HIVEP2: variants seen among roughly 807,000 people sequenced by gnomAD.
HIVEP2 encodes the protein HIVEP zinc finger 2.
HIVEP2 carries 14 observed loss-of-function variants against 180.7 expected under a neutral mutation model. The observed-to-expected ratio is 0.08, with a 90% confidence interval of 0.05 to 0.12. The LOEUF (loss-of-function observed/expected upper bound fraction) is 0.12, where lower values mean the gene tolerates loss of function less well. Among genes scored for constraint, HIVEP2 ranks in the 10% least tolerant of loss-of-function variants. The pLI is 1.00. For synonymous variants in HIVEP2, 1,184 were observed against 1,136.4 expected, an observed-to-expected ratio of 1.04 and a Z score of -0.84; for missense variants, 2,579 against 3,008.5, an observed-to-expected ratio of 0.86 and a Z score of 3.34.
intron 9 of HIVEP2, among the ~76,000 whole-genome samples, chr6:142,756,269 G>T (rs1355269718): frequency 6.6e-6 from 1 of 152,118 alleles, no homozygotes; most frequent in African/African-American, 2.4e-5. Context: ...GCCTCCTTGG[G>T]GGCAGCAGGG....
At chr6:142,913,768 C>T (rs1194077489) in intron 1 of HIVEP2, among the ~76,000 whole-genome samples, 2 of 152,198 alleles carry the variant, frequency 1.3e-5, no homozygotes, top group South Asian at 2.1e-4. Flanking sequence ...AGAAAAGTCA[C>T]CCACTCTTGC....
chr6:142,769,476 T>A, intron 5 of HIVEP2, 76 bp downstream of exon 5: 1 of 1,306,300 alleles, frequency 7.7e-7, no homozygotes, highest in Non-Finnish European at 1.1e-6. Context: ...TTTTTAGGCC[T>A]TATATCCTTC....
chr6:142,873,861 A>T (rs1254406588), intron 1 of HIVEP2, among the ~76,000 whole-genome samples: 1 of 152,204 alleles, frequency 6.6e-6, no homozygotes, highest in Non-Finnish European at 1.5e-5. Context: ...AAATTATCTA[A>T]GGAATGAGCA....
At chr6:142,894,966 C>T (rs527626518) in intron 1 of HIVEP2, among the ~76,000 whole-genome samples, 7 of 152,296 alleles carry the variant, frequency 4.6e-5, no homozygotes, top group Admixed American at 6.5e-5. Flanking sequence ...CTTGATAATT[C>T]ACTGGCACGA....
chr6:142,833,543 A>T (rs114548581), intron 2 of HIVEP2, among the ~76,000 whole-genome samples: 1,630 of 152,312 alleles, frequency 0.011, 18 homozygotes, highest in Middle Eastern at 0.037. Flanking sequence ...ACAAAATGGG[A>T]TTTGCTCATA....
intron 3 of HIVEP2, among the ~76,000 whole-genome samples, chr6:142,781,607 T>G (rs1244408482): frequency 6.6e-6 from 1 of 151,922 alleles, no homozygotes. Flanking sequence ...AAAAAAGAGA[T>G]TACCTCTGCA....
chr6:142,781,737 C>A (rs1419942307), intron 3 of HIVEP2, among the ~76,000 whole-genome samples: 1 of 152,160 alleles, frequency 6.6e-6, no homozygotes, highest in Admixed American at 6.5e-5. Context: ...CAGAGTCCCA[C>A]TCAAATAAGT....
intron 1 of HIVEP2, among the ~76,000 whole-genome samples, chr6:142,851,426 C>G (rs1775669145): frequency 6.6e-6 from 1 of 152,172 alleles, no homozygotes; most frequent in African/African-American, 2.4e-5. Flanking sequence ...TACTGAAAAC[C>G]TTAAGGAAAT....
chr6:142,801,595 C>A (rs946132391), intron 2 of HIVEP2, among the ~76,000 whole-genome samples: 5 of 151,982 alleles, frequency 3.3e-5, no homozygotes. Flanking sequence ...CAGACCAATT[C>A]AGCTCTCCTG....
At chr6:142,835,853 A>T (rs1490611820) in intron 2 of HIVEP2, among the ~76,000 whole-genome samples, 1 of 152,204 alleles carries the variant, frequency 6.6e-6, no homozygotes, top group Non-Finnish European at 1.5e-5. Context: ...GACAAAGCTT[A>T]GGGCAGTTGT....
At chr6:142,796,498 T>A (rs1221218807) in intron 2 of HIVEP2, among the ~76,000 whole-genome samples, 10 of 152,118 alleles carry the variant, frequency 6.6e-5, no homozygotes. Flanking sequence ...CATAAGGAAG[T>A]GAAAATAAAT....
intron 1 of HIVEP2, among the ~76,000 whole-genome samples, chr6:142,859,328 G>A (rs1296498807): frequency 6.6e-6 from 1 of 151,882 alleles, no homozygotes; most frequent in East Asian, 1.9e-4. Context: ...ATGTGTGATG[G>A]CACATGCCTG....
chr6:142,804,199 C>T (rs1178595518), intron 2 of HIVEP2, among the ~76,000 whole-genome samples: 4 of 152,228 alleles, frequency 2.6e-5, no homozygotes, highest in African/African-American at 9.6e-5. Context: ...GCTCAAAGGA[C>T]TTGTGAATAA....
At chr6:142,761,148 A>G (rs1775225560) in intron 8 of HIVEP2, among the ~76,000 whole-genome samples, 1 of 152,196 alleles carries the variant, frequency 6.6e-6, no homozygotes, top group African/African-American at 2.4e-5. Context: ...AATGCTTTTC[A>G]AATTCCCCAA....
intron 1 of HIVEP2, among the ~76,000 whole-genome samples, chr6:142,935,195 C>A (rs189516590): frequency 5.1e-4 from 78 of 152,320 alleles, no homozygotes; most frequent in African/African-American, 1.9e-3. Flanking sequence ...TGGATGGACA[C>A]ATGGAGGCAC....
At chr6:142,798,468 A>G (rs1776330841) in intron 2 of HIVEP2, among the ~76,000 whole-genome samples, 1 of 152,236 alleles carries the variant, frequency 6.6e-6, no homozygotes, top group East Asian at 1.9e-4. Context: ...AAATGCTATA[A>G]TTAAAACGCC....
chr6:142,798,586 G>A (rs947192211), intron 2 of HIVEP2, among the ~76,000 whole-genome samples: 11 of 152,086 alleles, frequency 7.2e-5, no homozygotes, highest in African/African-American at 1.7e-4. Context: ...ACAGTGTTTC[G>A]CCTGGGTTGC....
At position 142,773,218 on chromosome 6, in the gene HIVEP2, A is replaced by G; in HGVS notation, c.1521T>C (p.Ile507=). The part of the protein sequence containing the change: ...KFNSESRQPQ[I]IPSSIRNEGK... The stretch of plus-strand genomic sequence containing the variant: ...CTTCGTTCCTGATAGATGATGGAAT[A>G]ATCTGGGGTTGTCTGGACTCACTGT... Residue 507 remains isoleucine, a synonymous_variant, in exon 5 of 10, where the codon ATT becomes ATC. Coordinates refer to ENST00000367603, the MANE Select transcript of HIVEP2 (RefSeq NM_006734.4). 1.2e-6 allele frequency: 2 copies of G among 1,614,198 alleles called. No individual in the cohort carries two copies. Among genetic ancestry groups the G allele is most frequent in the Non-Finnish European group, 1.7e-6 (2 of 1,180,010 alleles).
chr6:142,938,675 C>T (rs558210398), intron 1 of HIVEP2, among the ~76,000 whole-genome samples: 4 of 152,330 alleles, frequency 2.6e-5, no homozygotes, highest in East Asian at 3.9e-4. Flanking sequence ...CAAATACAAA[C>T]GAAGGTGTGT....
Sources: allele counts gnomAD v4.1 joint callset (sites outside exome capture counted in the v4.1 genomes callset), GRCh38; gene constraint gnomAD v4.1.1; transcripts MANE v1.5; gene names NCBI Gene and HGNC (gene_info 2026-07-23, HGNC 2026-07-21).